COL12A1: variants seen among roughly 807,000 people sequenced by gnomAD.
COL12A1 encodes the protein collagen type XII alpha 1 chain.
A neutral mutation model predicts 349.7 loss-of-function variants in COL12A1; 114 were observed. The observed-to-expected ratio is 0.33, with a 90% CI of 0.28 to 0.38. The LOEUF is 0.38. Among genes scored for constraint, COL12A1 ranks in the 10% least tolerant of loss-of-function variants. COL12A1 has a pLI of 1.00. For missense variants in COL12A1, 3,284 were observed against 3,756.9 expected, an observed-to-expected ratio of 0.87 and a Z score of 3.29; for synonymous variants, 1,369 against 1,329.0, an observed-to-expected ratio of 1.03 and a Z score of -0.66.
chr6:75,203,915 G>A (rs1378992228), intron 1 of COL12A1, among the ~76,000 whole-genome samples: 1 of 152,218 alleles, frequency 6.6e-6, no homozygotes, highest in African/African-American at 2.4e-5. Context: ...AGACTGTCCT[G>A]CGTCGGAATG....
intron 59 of COL12A1, among the ~76,000 whole-genome samples, chr6:75,096,426 C>T (rs1327664120): frequency 1.3e-5 from 2 of 152,192 alleles, no homozygotes; most frequent in East Asian, 3.8e-4. Context: ...ACTGCGATCT[C>T]ACCTGGATGC....
At chr6:75,154,803 G>T (rs1020880909) in intron 16 of COL12A1, among the ~76,000 whole-genome samples, 2 of 152,132 alleles carry the variant, frequency 1.3e-5, no homozygotes, top group Non-Finnish European at 2.9e-5. Flanking sequence ...TGCCTTTCTA[G>T]CAGATGCAGA....
At position 75,142,056 on chromosome 6, in the gene COL12A1, G is replaced by T; in HGVS notation, c.4933C>A (p.Pro1645Thr). 1 of 1,614,102 alleles carries T rather than the reference G, an allele frequency of 6.2e-7. No homozygotes were observed. Among genetic ancestry groups the T allele is most frequent in the Non-Finnish European group, 8.5e-7 (1 of 1,179,992 alleles). Residue 1645 changes from proline to threonine, a missense_variant, in exon 27 of 66, where the codon CCA becomes ACA. Physicochemically the swap from Pro to Thr is conservative, Grantham distance 38. Coordinates refer to ENST00000322507, the MANE Select transcript of COL12A1 (RefSeq NM_004370.6). ...CGGGTAGTTTCTTGAGCAGTCACTG[G>T]AGGAGACTCCCCCTCGTCATGTACT... ...SAVHDEGESP[P>T]VTAQETTRPV...
At chr6:75,106,899 CTTT>C (rs1160421791) in intron 52 of COL12A1, among the ~76,000 whole-genome samples, 1 of 41,934 alleles carries the variant, frequency 2.4e-5, no homozygotes, top group Non-Finnish European at 4.9e-5. Context: ...TTTTCTTTTT[CTTT>C]TTTTTTTTTT....
At position 75,124,228 on chromosome 6, in the gene COL12A1, T is replaced by A. The variant is rs369974655; in HGVS notation, c.6724+27A>T. The A allele has an allele frequency of 5.6e-6, 9 of 1,603,888 alleles. No homozygotes were observed. The African/African-American group carries it at 1.1e-4, about 19-fold the overall frequency. ...AAATGTTTCCACTACATGCTCCAGA[T>A]CATTTTTTTCTTTTTTACACACATA... On this transcript the variant is annotated intron_variant, in intron 41 of 65. Coordinates refer to ENST00000322507, the MANE Select transcript of COL12A1 (RefSeq NM_004370.6).
chr6:75,137,880 G>A (rs1239943592), intron 30 of COL12A1, among the ~76,000 whole-genome samples: 1 of 151,892 alleles, frequency 6.6e-6, no homozygotes, highest in Non-Finnish European at 1.5e-5. Flanking sequence ...CTGCCATAAT[G>A]GGATTAGTCT....
At chr6:75,110,099 TTC>T (rs1344745705) in intron 51 of COL12A1, among the ~76,000 whole-genome samples, 1 of 152,078 alleles carries the variant, frequency 6.6e-6, no homozygotes, top group Non-Finnish European at 1.5e-5. Flanking sequence ...AATTCCATAT[TTC>T]TTTTATATAA....
intron 49 of COL12A1, among the ~76,000 whole-genome samples, chr6:75,114,774 A>T (rs1768996226): frequency 6.6e-6 from 1 of 152,090 alleles, no homozygotes; most frequent in African/African-American, 2.4e-5. Flanking sequence ...ACATCAACTC[A>T]TCTCTCACCT....
chr6:75,189,641 G>T lies in COL12A1; in HGVS notation c.569C>A (p.Thr190Asn), dbSNP rs759905934. The T allele has an allele frequency of 1.5e-5, 24 of 1,613,208 alleles. No individual in the cohort carries two copies. The East Asian group carries it at 4.0e-4, about 27-fold the overall frequency. The change falls in exon 6 of 66, where the codon ACT becomes AAT. Residue 190 changes from threonine (T) to asparagine (N), a missense_variant. Transcript: ENST00000322507. ...GTAGTACTGATTTAAGTTAAATTCA[G>T]TCCTGGTATCAGAGCTGTATTGAAC... is the stretch of plus-strand genomic sequence containing the variant. Reference protein sequence around the residue: ...GVVQYSSDTRTEFNLNQYYQR... With the variant: ...GVVQYSSDTRNEFNLNQYYQR...
chr6:75,114,098 A>G (rs1000873716), intron 49 of COL12A1, among the ~76,000 whole-genome samples: 2 of 151,888 alleles, frequency 1.3e-5, no homozygotes, highest in Admixed American at 6.6e-5. Flanking sequence ...ATAAAATTAT[A>G]TGATAATTTT....
intron 38 of COL12A1, among the ~76,000 whole-genome samples, chr6:75,127,724 A>T (rs1248623023): frequency 2.0e-5 from 3 of 152,194 alleles, no homozygotes; most frequent in Non-Finnish European, 2.9e-5. Flanking sequence ...TGTAGCAAGC[A>T]ACCACATTAG....
chr6:75,189,560 G>T lies in COL12A1; in HGVS notation c.650C>A (p.Thr217Lys). 2 of 1,612,014 alleles carry T rather than the reference G, an allele frequency of 1.2e-6. No individual in the cohort carries two copies. Among genetic ancestry groups the T allele is most frequent in the Non-Finnish European group, 1.7e-6 (2 of 1,179,020 alleles). The change falls in exon 6 of 66, where the codon ACA becomes AAA. Residue 217 changes from threonine to lysine, a missense_variant. By Grantham distance (78) the Thr-to-Lys change is moderately conservative. Around this residue, in one of 2 missense-constraint regions of COL12A1, gnomAD observed 2,601 missense variants for 2,824.8 expected, o/e 0.92. Transcript: ENST00000322507. ...AAATCTGTAGAACATACCTGTCATTGTGTTGCCACCTTTATATGGAATTTT... is the reference window on the plus strand; with the variant it reads ...AAATCTGTAGAACATACCTGTCATTTTGTTGCCACCTTTATATGGAATTTT... The part of the protein sequence containing the change: ...IKKIPYKGGN[T>K]MTGDAIDYLV...
chr6:75,091,281 A>G, intron 62 of COL12A1, 42 bp downstream of exon 62: 1 of 1,540,550 alleles, frequency 6.5e-7, no homozygotes, highest in Non-Finnish European at 8.9e-7. Flanking sequence ...CCTGCAATTA[A>G]TTTTAAAACA....
intron 8 of COL12A1, among the ~76,000 whole-genome samples, chr6:75,184,597 C>T (rs1366706405): frequency 6.6e-6 from 1 of 152,010 alleles, no homozygotes; most frequent in Non-Finnish European, 1.5e-5. Context: ...TTATAATATG[C>T]CAAGAAAGAG....
intron 2 of COL12A1, among the ~76,000 whole-genome samples, chr6:75,198,792 C>G (rs1191304289): frequency 6.6e-6 from 1 of 152,024 alleles, no homozygotes; most frequent in Non-Finnish European, 1.5e-5. Context: ...ACATAATGCG[C>G]TATAGATATA....
chr6:75,157,164 G>A (rs576674959), intron 14 of COL12A1, among the ~76,000 whole-genome samples: 18 of 151,940 alleles, frequency 1.2e-4, no homozygotes, highest in South Asian at 8.3e-4. Context: ...ATTAAATTCC[G>A]TTTACTAATA....
At chr6:75,141,839 A>C (rs972007283) in intron 27 of COL12A1, among the ~76,000 whole-genome samples, 193 bp downstream of exon 27, 1 of 152,234 alleles carries the variant, frequency 6.6e-6, no homozygotes, top group Non-Finnish European at 1.5e-5. Flanking sequence ...AAAGTATCAT[A>C]AAAGGAATGG....
rs779972390 is a variant in COL12A1 at position 75,181,033 on chromosome 6, G to A, written c.2070C>T (p.Ser690=). ...CCAAATACAAGGTCTCTGGCTTCAG[G>A]CTGCTGAGAACAACACTGGTGCTCG... The part of the protein sequence containing the change: ...PASSTSVVLS[S]LKPETLYLVN... The change falls in exon 11 of 66, where the codon AGC becomes AGT. Residue 690 remains serine (S), a synonymous_variant. Coordinates refer to ENST00000322507, the MANE Select transcript of COL12A1 (RefSeq NM_004370.6). 4.3e-6 allele frequency: 7 copies of A among 1,613,890 alleles called. No individual in the cohort carries two copies. The highest frequency in any genetic ancestry group is 1.6e-4 in the Middle Eastern group (1 of 6,078).
chr6:75,110,593 C>T (rs1400086289), intron 51 of COL12A1, among the ~76,000 whole-genome samples: 1 of 151,954 alleles, frequency 6.6e-6, no homozygotes, highest in African/African-American at 2.4e-5. Context: ...CCAGACTCTG[C>T]CATTCTAGTT....
Sources: gnomAD v4.1 joint callset for allele counts (sites outside exome capture counted in the v4.1 genomes callset) on GRCh38, gnomAD v4.1.1 for gene constraint, gnomAD v4.1.1 regional missense constraint, MANE v1.5 for transcripts, NCBI Gene and HGNC (gene_info 2026-07-23, HGNC 2026-07-21) for gene names.